PADI6: variants seen among roughly 807,000 people sequenced by gnomAD.
PADI6 encodes inactive protein-arginine deiminase type-6.
A neutral mutation model predicts 78.2 loss-of-function variants in PADI6; 66 were observed. That is an observed-to-expected ratio of 0.84 (90% confidence interval 0.69 to 1.04). The LOEUF is 1.04. PADI6 is among the 50% of genes least tolerant of loss of function. The pLI, the probability that PADI6 is intolerant of heterozygous loss-of-function variation, is 0.00. For missense variants in PADI6, 854 were observed against 866.1 expected (o/e 0.99, Z 0.18); for synonymous variants, 397 against 346.9 (o/e 1.14, Z -1.60).
chr1:17,397,170 C>G, intron 14 of PADI6, 29 bp downstream of exon 14: 3 of 1,611,296 alleles, frequency 1.9e-6, no homozygotes, highest in Non-Finnish European at 2.5e-6. Context: ...GGGCCATCCC[C>G]AAGAAAGAGC....
intron 3 of PADI6, among the ~76,000 whole-genome samples, chr1:17,375,975 C>CTTTTTTTTTTTTTTTTTT (rs575076756): frequency 5.4e-4 from 81 of 150,286 alleles, no homozygotes; most frequent in African/African-American, 2.0e-3. Flanking sequence ...ATAACATCTA[C>CTTTTTTTTTTTTTTTTTT]TTTTTTTTTC....
chr1:17,391,428 C>T (rs1037521260), intron 8 of PADI6, among the ~76,000 whole-genome samples: 2 of 152,182 alleles, frequency 1.3e-5, no homozygotes, highest in Non-Finnish European at 2.9e-5. Flanking sequence ...CCATGTTGGC[C>T]AGGATGGTCT....
intron 3 of PADI6, among the ~76,000 whole-genome samples, chr1:17,377,702 G>A (rs546160642): frequency 1.8e-4 from 28 of 151,984 alleles, no homozygotes; most frequent in African/African-American, 5.8e-4. Flanking sequence ...CTGACGTTTC[G>A]CCAGAATCCA....
In PADI6 at chr1:17,377,206, T is replaced by C. The variant is rs549728577; in HGVS notation, c.367+1707T>C. On this transcript the variant is annotated intron_variant, in intron 3 of 15. Transcript: ENST00000619609. Reference sequence around the variant, plus strand: ...TTTTACCATATTGCCCAGCCTGGTCTCAAACTCCTGGCCTCAAGTGATCCT... The same window carrying C: ...TTTTACCATATTGCCCAGCCTGGTCCCAAACTCCTGGCCTCAAGTGATCCT... Among the ~76,000 whole-genome samples the C allele has an allele frequency of 3.3e-5, 5 of 152,252 alleles. No homozygotes were observed. In the South Asian group the frequency reaches 1.0e-3, roughly 32 times the overall value.
In PADI6 at chr1:17,401,597, G is replaced by A. The variant is rs2075302125; in HGVS notation, c.*159G>A. 6.0e-6 allele frequency: 4 copies of A among 668,074 alleles called. No homozygotes were observed. Among genetic ancestry groups the A allele is most frequent in the South Asian group, 3.9e-5 (2 of 51,216 alleles). 41.4% of individuals were successfully genotyped at this position (668,074 alleles called of 1,614,324 possible). ...GACCGACCCTCGGACCCAGTAGGAT[G>A]GCAAATGCCGCCAGCTTGAACCCCT... On this transcript the variant is annotated 3_prime_UTR_variant, in exon 16 of 16. Transcript: ENST00000619609.
chr1:17,385,369 T>C (rs547482226), intron 6 of PADI6, among the ~76,000 whole-genome samples: 1 of 152,028 alleles, frequency 6.6e-6, no homozygotes, highest in East Asian at 1.9e-4. Context: ...GAGTGGACAG[T>C]GTGTATAAGA....
intron 2 of PADI6, 27 bp downstream of exon 2, chr1:17,373,260 G>T (rs376699786): frequency 2.5e-6 from 4 of 1,609,454 alleles, no homozygotes; most frequent in Non-Finnish European, 3.4e-6. Flanking sequence ...GAGGTGAGGG[G>T]CATCTCCCGG....
chr1:17,373,508 T>A (rs1570119492), intron 2 of PADI6, among the ~76,000 whole-genome samples: 2 of 139,318 alleles, frequency 1.4e-5, no homozygotes, highest in Non-Finnish European at 3.1e-5. Flanking sequence ...TTATTATTTT[T>A]TTTTTTGAGT....
In PADI6 at chr1:17,388,816, T is replaced by C; in HGVS notation, c.898T>C (p.Phe300Leu). Residue 300 changes from phenylalanine to leucine, a missense_variant, in exon 8 of 16, where the codon TTC becomes CTC. Phe to Leu is a conservative substitution (Grantham distance 22, BLOSUM62 0). Transcript: ENST00000619609. ...ETVLYKDTVV[F>L]RVAPCVFIPC... ...TGTGCTGTACAAAGACACGGTGGTGTTCCGGGTGGCTCCCTGTGTCTTCAT... is the reference window on the plus strand; with the variant it reads ...TGTGCTGTACAAAGACACGGTGGTGCTCCGGGTGGCTCCCTGTGTCTTCAT... 1.2e-6 allele frequency: 2 copies of C among 1,613,838 alleles called. No homozygotes were observed. The highest frequency in any genetic ancestry group is 2.2e-5 in the South Asian group (2 of 91,010).
At chr1:17,387,596 C>CA (rs1335007178) in intron 6 of PADI6, among the ~76,000 whole-genome samples, 1 of 151,950 alleles carries the variant, frequency 6.6e-6, no homozygotes, top group South Asian at 2.1e-4. Context: ...ACTAAAAATA[C>CA]AAAAAATTAG....
At chr1:17,400,775 T>C (rs1374087842) in intron 15 of PADI6, among the ~76,000 whole-genome samples, 1 of 152,074 alleles carries the variant, frequency 6.6e-6, no homozygotes, top group Non-Finnish European at 1.5e-5. Flanking sequence ...CATGCTCCAA[T>C]TGTACATGGG....
chr1:17,396,630 A>G (rs2526833), intron 13 of PADI6, among the ~76,000 whole-genome samples: 100,517 of 152,014 alleles, frequency 0.66, 33,454 homozygotes, highest in African/African-American at 0.72. Context: ...GACAAAGACT[A>G]TCACCTCAGA....
Position 17,373,127 on chromosome 1 carries a change from C to A in PADI6, c.188C>A (p.Thr63Lys), listed in dbSNP as rs751698901. 2 of 1,613,994 alleles carry A rather than the reference C, an allele frequency of 1.2e-6. No individual in the cohort carries two copies. Among genetic ancestry groups the A allele is most frequent in the Admixed American group, 1.7e-5 (1 of 60,024 alleles). ...SGRVLIDVAN[T>K]VISEKEDATI... ...AGGGTCTTGATCGATGTGGCCAACACGGTGATTTCTGAGAAGGAGGACGCC... is the reference window on the plus strand; with the variant it reads ...AGGGTCTTGATCGATGTGGCCAACAAGGTGATTTCTGAGAAGGAGGACGCC... The change falls in exon 2 of 16, where the codon ACG becomes AAG. Residue 63 changes from threonine (T) to lysine (K), a missense_variant. Physicochemically the swap from Thr to Lys is moderately conservative, Grantham distance 78. Transcript: ENST00000619609.
intron 3 of PADI6, among the ~76,000 whole-genome samples, chr1:17,377,426 G>A (rs929194230): frequency 6.6e-6 from 1 of 152,174 alleles, no homozygotes. Context: ...TCAGTGAAGT[G>A]TCTCAGGCTC....
chr1:17,392,115 G>T lies in PADI6; in HGVS notation c.964G>T (p.Glu322Ter). The T allele has an allele frequency of 5.1e-6, 8 of 1,555,280 alleles. No individual in the cohort carries two copies. The highest frequency in any genetic ancestry group is 6.1e-6 in the Non-Finnish European group (7 of 1,149,176). ...GAACTGGCTTCTCTCCCATGGCAGG[G>T]AGCTGCAGCTGCAGGGTTTTGTGGA... ...QVPLEVYLCR[E>*]LQLQGFVDTV... The change falls in exon 9 of 16, where the codon GAG becomes TAG. Residue 322 changes from glutamate (E) to a stop codon, truncating the protein, a stop_gained and splice_region_variant. Coordinates refer to ENST00000619609, the MANE Select transcript of PADI6 (RefSeq NM_207421.4). LOFTEE classifies it high-confidence loss of function.
chr1:17,381,002 T>C, intron 4 of PADI6, 45 bp from the exon 5 acceptor site: 1 of 1,488,806 alleles, frequency 6.7e-7, no homozygotes. Flanking sequence ...AAACAGAAGA[T>C]TTATTTGGCT....
chr1:17,401,359 C>T lies in PADI6; in HGVS notation c.2006C>T (p.Thr669Ile). ...ATCAATGACTTTGACTGTTACCTGA[C>T]AGAGGTCGGAGACATCTGTGCCTGT... is the stretch of plus-strand genomic sequence containing the variant. ...TFINDFDCYL[T>I]EVGDICACAN... Residue 669 changes from threonine (T) to isoleucine (I), a missense_variant, in exon 16 of 16, where the codon ACA (threonine) becomes ATA (isoleucine). Coordinates refer to ENST00000619609, the MANE Select transcript of PADI6 (RefSeq NM_207421.4). The T allele has an allele frequency of 1.9e-6, 3 of 1,614,090 alleles. No homozygotes were observed. The highest frequency in any genetic ancestry group is 2.7e-5 in the African/African-American group (2 of 75,066).
At chr1:17,377,472 G>C (rs2075030386) in intron 3 of PADI6, among the ~76,000 whole-genome samples, 2 of 152,130 alleles carry the variant, frequency 1.3e-5, no homozygotes, top group African/African-American at 4.8e-5. Flanking sequence ...GTCACCTATG[G>C]GCAGGCTGCT....
chr1:17,397,406 G>A (rs991907940), intron 14 of PADI6, among the ~76,000 whole-genome samples: 6 of 152,206 alleles, frequency 3.9e-5, no homozygotes, highest in African/African-American at 1.4e-4. Flanking sequence ...GAAGAGGGCT[G>A]GAAGTGGGTA....
Sources: allele counts gnomAD v4.1 joint callset (sites outside exome capture counted in the v4.1 genomes callset), GRCh38; gene constraint gnomAD v4.1.1; transcripts MANE v1.5; gene names NCBI Gene and HGNC (gene_info 2026-07-23, HGNC 2026-07-21).